Variants in RBFOX1 observed in about 807,000 individuals in gnomAD.
RBFOX1 encodes the protein RNA binding fox-1 homolog 1, also known as RNA binding protein fox-1 homolog 1.
A neutral mutation model predicts 57.7 loss-of-function variants in RBFOX1; 8 were observed. That is an observed-to-expected ratio of 0.14 (90% CI 0.08 to 0.25). The LOEUF (loss-of-function observed/expected upper bound fraction) is 0.25. RBFOX1 is among the 10% of genes least tolerant of loss of function. The pLI, the probability that RBFOX1 is intolerant of heterozygous loss-of-function variation, is 1.00. For missense variants in RBFOX1, 611 were observed against 548.5 expected (o/e 1.11, Z -1.14); for synonymous variants, 326 against 222.4 (o/e 1.47, Z -4.15).
At chr16:5,800,810 T>G (rs1343092194) in intron 3 of RBFOX1, among the ~76,000 whole-genome samples, 2 of 152,104 alleles carry the variant, frequency 1.3e-5, no homozygotes, top group African/African-American at 2.4e-5. Context: ...GGATCCCTTT[T>G]CTGGGGCAAA....
intron 4 of RBFOX1, among the ~76,000 whole-genome samples, chr16:7,064,161 C>CTTTTTTTTTTTTTT (rs869135535): frequency 1.0e-5 from 1 of 96,828 alleles, no homozygotes; most frequent in Non-Finnish European, 1.9e-5. Context: ...GACTGGTGTT[C>CTTTTTTTTTTTTTT]TTTTTTTTTT....
At chr16:5,263,407 G>A (rs1235598855) in intron 1 of RBFOX1, among the ~76,000 whole-genome samples, 8 of 152,156 alleles carry the variant, frequency 5.3e-5, no homozygotes, top group South Asian at 2.1e-4. Flanking sequence ...CAAAGTTTGG[G>A]AACACAGGAA....
At chr16:7,504,757 A>ATATATT (rs2072494741) in intron 4 of RBFOX1, among the ~76,000 whole-genome samples, 2 of 9,388 alleles carry the variant, frequency 2.1e-4, no homozygotes, top group African/African-American at 5.5e-4. Flanking sequence ...ATATATATTT[A>ATATATT]TATATATATA....
intron 2 of RBFOX1, among the ~76,000 whole-genome samples, chr16:6,464,576 AC>A (rs1018957230): frequency 1.3e-5 from 2 of 152,174 alleles, no homozygotes; most frequent in African/African-American, 4.8e-5. Context: ...GGACAATTAT[AC>A]CTTTTAAATT....
intron 3 of RBFOX1, among the ~76,000 whole-genome samples, chr16:7,017,451 A>G (rs537320300): frequency 2.0e-5 from 3 of 152,206 alleles, no homozygotes; most frequent in African/African-American, 4.8e-5. Context: ...TTAGCATGCA[A>G]CGCACACACT....
intron 2 of RBFOX1, among the ~76,000 whole-genome samples, chr16:5,577,815 G>A (rs1481958666): frequency 6.6e-6 from 1 of 152,172 alleles, no homozygotes; most frequent in Non-Finnish European, 1.5e-5. Flanking sequence ...TGGAAGACAT[G>A]GTTCTTCTTT....
At chr16:7,385,921 TA>T (rs200239143) in intron 4 of RBFOX1, among the ~76,000 whole-genome samples, 13,759 of 119,734 alleles carry the variant, frequency 0.11, 710 homozygotes, top group East Asian at 0.25. Flanking sequence ...CCCAGTTACT[TA>T]TTTATTTATT....
At chr16:5,961,557 A>C (rs1167878541) in intron 4 of RBFOX1, among the ~76,000 whole-genome samples, 1 of 152,044 alleles carries the variant, frequency 6.6e-6, no homozygotes, top group African/African-American at 2.4e-5. Flanking sequence ...GTCTTCCTCT[A>C]TCACCCAGGG....
intron 4 of RBFOX1, among the ~76,000 whole-genome samples, chr16:7,313,880 G>T (rs372373756): frequency 6.6e-6 from 1 of 152,168 alleles, no homozygotes; most frequent in East Asian, 1.9e-4. Flanking sequence ...GTGCCGGCCA[G>T]TGGCTGGTTC....
chr16:7,625,249 C>T (rs140163190), intron 10 of RBFOX1, among the ~76,000 whole-genome samples: 1 of 152,100 alleles, frequency 6.6e-6, no homozygotes, highest in Non-Finnish European at 1.5e-5. Flanking sequence ...AAGGAGAAGA[C>T]AGCAGGAATC....
At chr16:6,368,008 T>C (rs555689064) in intron 2 of RBFOX1, among the ~76,000 whole-genome samples, 7 of 152,244 alleles carry the variant, frequency 4.6e-5, no homozygotes, top group African/African-American at 1.7e-4. Context: ...TGTGTCTTGA[T>C]TTGAGGGACA....
At chr16:5,784,303 T>C (rs1432497309) in intron 3 of RBFOX1, among the ~76,000 whole-genome samples, 2 of 152,114 alleles carry the variant, frequency 1.3e-5, no homozygotes, top group African/African-American at 4.8e-5. Flanking sequence ...GGCTGGCGCC[T>C]GTAGTCCCAG....
At chr16:6,075,533 C>T (rs947829597) in intron 1 of RBFOX1, among the ~76,000 whole-genome samples, 1 of 152,144 alleles carries the variant, frequency 6.6e-6, no homozygotes, top group Non-Finnish European at 1.5e-5. Flanking sequence ...TCTGTTGTTT[C>T]TGAGATGTGA....
At chr16:7,703,446 G>T (rs1422114380) in intron 14 of RBFOX1, among the ~76,000 whole-genome samples, 1 of 150,528 alleles carries the variant, frequency 6.6e-6, no homozygotes, top group Admixed American at 6.6e-5. Context: ...GATTCACCCA[G>T]CTATCTCTGG....
intron 4 of RBFOX1, among the ~76,000 whole-genome samples, chr16:5,897,419 A>C (rs1325516491): frequency 6.6e-6 from 1 of 152,174 alleles, no homozygotes; most frequent in African/African-American, 2.4e-5. Flanking sequence ...AGGGTCTTAC[A>C]TACTTAATCT....
intron 4 of RBFOX1, among the ~76,000 whole-genome samples, chr16:7,464,688 C>CCTTTTT (rs2060176166): frequency 6.4e-5 from 4 of 62,232 alleles, no homozygotes; most frequent in African/African-American, 2.1e-4. Flanking sequence ...TATTGTCTGT[C>CCTTTTT]TTTTTTTTTT....
chr16:7,629,690 A>G (rs1056381204), intron 10 of RBFOX1, among the ~76,000 whole-genome samples: 4 of 152,260 alleles, frequency 2.6e-5, no homozygotes, highest in Non-Finnish European at 4.4e-5. Flanking sequence ...GTGGTTGTTC[A>G]AAATCTGTCA....
intron 1 of RBFOX1, among the ~76,000 whole-genome samples, chr16:6,248,873 G>C (rs1411570986): frequency 2.0e-5 from 3 of 152,110 alleles, no homozygotes; most frequent in Non-Finnish European, 4.4e-5. Context: ...GAGCTTACAA[G>C]AGCACCTGGC....
At chr16:6,767,160 C>G (rs766217387) in intron 3 of RBFOX1, among the ~76,000 whole-genome samples, 4 of 152,134 alleles carry the variant, frequency 2.6e-5, no homozygotes, top group Admixed American at 6.5e-5. Flanking sequence ...GAGCTGGCTC[C>G]TTACCGAGCT....
Sources: gnomAD v4.1 joint callset for allele counts (sites outside exome capture counted in the v4.1 genomes callset) on GRCh38, gnomAD v4.1.1 for gene constraint, MANE v1.5 for transcripts, NCBI Gene and HGNC (gene_info 2026-07-23, HGNC 2026-07-21) for gene names.